Variants in HDAC4 observed in about 807,000 individuals in gnomAD.
HDAC4 encodes histone deacetylase A.
HDAC4 carries 16 observed loss-of-function variants against 135.1 expected under a neutral mutation model. That is an observed-to-expected ratio of 0.12 (90% CI 0.08 to 0.18). The LOEUF (loss-of-function observed/expected upper bound fraction) is 0.18, where lower values mean the gene tolerates loss of function less well. Among genes scored for constraint, HDAC4 ranks in the 10% least tolerant of loss-of-function variants. HDAC4 has a pLI of 1.00. For synonymous variants in HDAC4, 685 were observed against 653.4 expected, an observed-to-expected ratio of 1.05 and a Z score of -0.74; for missense variants, 1,143 against 1,511.8, an observed-to-expected ratio of 0.76 and a Z score of 4.05.
At chr2:239,185,250 T>A (rs535919333) in intron 4 of HDAC4, among the ~76,000 whole-genome samples, 9 of 149,860 alleles carry the variant, frequency 6.0e-5, no homozygotes, top group African/African-American at 2.2e-4. Context: ...TGGGAAGAGT[T>A]GTGCCCTATA....
intron 3 of HDAC4, among the ~76,000 whole-genome samples, chr2:239,219,584 A>G (rs1382244098): frequency 1.3e-5 from 2 of 152,098 alleles, no homozygotes; most frequent in Non-Finnish European, 2.9e-5. Context: ...TAACCTGCAC[A>G]TTGTGCACAT....
chr2:239,095,635 C>T (rs867338846), intron 16 of HDAC4, among the ~76,000 whole-genome samples: 51 of 152,314 alleles, frequency 3.3e-4, no homozygotes, highest in Middle Eastern at 6.8e-3. Context: ...GACGCTGCAG[C>T]TGCACGCCAG....
chr2:239,206,963 C>G (rs1012052011), intron 3 of HDAC4, among the ~76,000 whole-genome samples: 1 of 152,104 alleles, frequency 6.6e-6, no homozygotes, highest in Non-Finnish European at 1.5e-5. Flanking sequence ...GACATGGTGA[C>G]TGGGGTCTGA....
Position 239,186,004 on chromosome 2 carries a change from A to G in HDAC4, c.339+3829T>C, listed in dbSNP as rs115695672. Among the ~76,000 whole-genome samples the G allele has an allele frequency of 2.9e-3, 441 of 152,296 alleles. 2 individuals carry two copies. The highest frequency in any genetic ancestry group is 0.01 in the African/African-American group (426 of 41,562). ...AACTGAGATGGCACCAATGCACTCC[A>G]GCCTGTGCAACAGTTGAGCGAGACT... On this transcript the variant is annotated intron_variant, in intron 4 of 26. Coordinates refer to ENST00000543185, the MANE Select transcript of HDAC4 (RefSeq NM_001378414.1).
intron 1 of HDAC4, among the ~76,000 whole-genome samples, chr2:239,379,028 G>T (rs1204127794): frequency 2.0e-5 from 3 of 152,170 alleles, no homozygotes; most frequent in Admixed American, 6.5e-5. Context: ...CGCAGGGGTG[G>T]GACGGGAAGG....
In HDAC4 at chr2:239,115,387, A is replaced by G; in HGVS notation, c.1534-77T>C. The G allele has an allele frequency of 6.3e-7, 1 of 1,575,236 alleles. No homozygotes were observed. The highest frequency in any genetic ancestry group is 8.7e-7 in the Non-Finnish European group (1 of 1,150,444). On this transcript the variant is annotated intron_variant, in intron 12 of 26. Coordinates refer to ENST00000543185, the MANE Select transcript of HDAC4 (RefSeq NM_001378414.1). The surrounding 1 kb of genome is among the most constrained non-coding windows in gnomAD (Gnocchi z 6.3). ...CATCTGACAGGAGAAGGGATGCTGCAAACCCCACCCTCTGGGGCAGACAAT... is the reference window on the plus strand; with the variant it reads ...CATCTGACAGGAGAAGGGATGCTGCGAACCCCACCCTCTGGGGCAGACAAT...
intron 3 of HDAC4, among the ~76,000 whole-genome samples, chr2:239,232,152 A>G (rs564803204): frequency 6.6e-6 from 1 of 152,320 alleles, no homozygotes; most frequent in South Asian, 2.1e-4. Context: ...CCCAACACCC[A>G]CCACTTTAGT....
intron 2 of HDAC4, among the ~76,000 whole-genome samples, chr2:239,271,677 C>A (rs1373481765): frequency 6.6e-6 from 1 of 152,216 alleles, no homozygotes; most frequent in Non-Finnish European, 1.5e-5. Flanking sequence ...GCCGGCACAG[C>A]TGCTGAGTGA....
intron 9 of HDAC4, among the ~76,000 whole-genome samples, chr2:239,136,861 T>C (rs939177038): frequency 6.6e-6 from 1 of 152,302 alleles, no homozygotes; most frequent in African/African-American, 2.4e-5. Flanking sequence ...AGGAGCAAAC[T>C]CACGGCGCAC....
chr2:239,263,038 A>G (rs1198251494), intron 2 of HDAC4, among the ~76,000 whole-genome samples: 2 of 152,172 alleles, frequency 1.3e-5, no homozygotes, highest in African/African-American at 2.4e-5. Context: ...GGATGTGGAC[A>G]CTGCCCCAAA....
chr2:239,238,166 G>T (rs911112621), intron 2 of HDAC4, among the ~76,000 whole-genome samples: 9 of 152,262 alleles, frequency 5.9e-5, no homozygotes, highest in African/African-American at 2.2e-4. Flanking sequence ...AGAGACCCCA[G>T]ATAGTGGTGG....
intron 3 of HDAC4, among the ~76,000 whole-genome samples, chr2:239,211,367 G>A (rs569038174): frequency 3.3e-5 from 5 of 152,260 alleles, no homozygotes; most frequent in East Asian, 3.9e-4. Flanking sequence ...GCCCTGCCCC[G>A]TGCTTCTCCT....
At chr2:239,295,915 C>T (rs929930481) in intron 2 of HDAC4, among the ~76,000 whole-genome samples, 13 of 152,232 alleles carry the variant, frequency 8.5e-5, no homozygotes, top group Admixed American at 6.5e-5. Flanking sequence ...CCAACTCACA[C>T]TTCATTTGCA....
At chr2:239,180,281 A>G (rs1471417390) in intron 4 of HDAC4, among the ~76,000 whole-genome samples, 3 of 152,000 alleles carry the variant, frequency 2.0e-5, no homozygotes, top group African/African-American at 7.2e-5. Flanking sequence ...GCCTGCAAAA[A>G]CAGCCTGGCC....
chr2:239,098,285 G>A (rs1045760191), intron 16 of HDAC4, among the ~76,000 whole-genome samples: 3 of 152,236 alleles, frequency 2.0e-5, no homozygotes, highest in Non-Finnish European at 4.4e-5. Flanking sequence ...CCTGGTGACA[G>A]GGCCTGAAGC....
At chr2:239,318,953 G>C (rs1263203056) in intron 2 of HDAC4, among the ~76,000 whole-genome samples, 1 of 152,090 alleles carries the variant, frequency 6.6e-6, no homozygotes, top group Non-Finnish European at 1.5e-5. Flanking sequence ...TCCTGCCAAG[G>C]AACGGAACAG....
chr2:239,248,608 A>G (rs1373137454), intron 2 of HDAC4, among the ~76,000 whole-genome samples: 13 of 152,374 alleles, frequency 8.5e-5, no homozygotes, highest in Admixed American at 6.5e-5. Context: ...ATGAGAAACA[A>G]TAACAGCTAA....
chr2:239,282,302 A>G (rs62643379), intron 2 of HDAC4, among the ~76,000 whole-genome samples: 3 of 31,356 alleles, frequency 9.6e-5, no homozygotes, highest in Non-Finnish European at 6.0e-5. Flanking sequence ...ACACCACTCT[A>G]CACACAATGT....
chr2:239,287,686 A>G (rs2051214841), intron 2 of HDAC4, among the ~76,000 whole-genome samples: 1 of 152,188 alleles, frequency 6.6e-6, no homozygotes, highest in East Asian at 1.9e-4. Flanking sequence ...AAACACAGAA[A>G]GCTGACTTAC....
Sources: allele counts gnomAD v4.1 joint callset (sites outside exome capture counted in the v4.1 genomes callset), GRCh38; gene constraint gnomAD v4.1.1; non-coding constraint Gnocchi (gnomAD v3.1); transcripts MANE v1.5; gene names NCBI Gene and HGNC (gene_info 2026-07-23, HGNC 2026-07-21).